Variants in ATAD3B observed in about 807,000 individuals in gnomAD.
ATAD3B encodes the protein ATPase family AAA domain-containing protein 3B.
ATAD3B carries 59 observed loss-of-function variants against 70.2 expected under a neutral mutation model. The ratio of observed to expected loss-of-function variants is 0.84; its 90% CI spans 0.68 to 1.04. The LOEUF (loss-of-function observed/expected upper bound fraction) is 1.04, where lower values mean the gene tolerates loss of function less well. Ranked by LOEUF, ATAD3B falls within the 50% of genes least tolerant of loss-of-function variation. The pLI, the probability that ATAD3B is intolerant of heterozygous loss-of-function variation, is 0.00. For synonymous variants in ATAD3B, 423 were observed against 388.6 expected (o/e 1.09, Z -1.04); for missense variants, 961 against 913.4 (o/e 1.05, Z -0.67).
intron 9 of ATAD3B, 75 bp downstream of exon 9, chr1:1,485,913 A>T: frequency 1.2e-6 from 2 of 1,609,326 alleles, no homozygotes; most frequent in Non-Finnish European, 8.5e-7. Context: ...GGCCCTTGCT[A>T]GCGCTCGTGG....
In ATAD3B at chr1:1,496,736, G is replaced by T. The variant is rs941088380; in HGVS notation, c.*919G>T. The T allele has an allele frequency of 3.1e-4, 46 of 149,344 alleles. 1 individual carries two copies. In the Middle Eastern group the frequency reaches 0.014, roughly 44 times the overall value. The allele number at this position is 149,344 out of a possible 1,614,324, so 9.3% of individuals were successfully genotyped here. A position where few individuals can be genotyped will look rare whatever the true frequency, so the allele number is the denominator to read the frequency against. ...CTGGGAGCAGAGCGTGGTACCCACT[G>T]CCTGGCTGGGGCCTACTCTGGGACT... is the stretch of plus-strand genomic sequence containing the variant. On this transcript the variant is annotated 3_prime_UTR_variant, in exon 16 of 16. Coordinates refer to ENST00000673477, the MANE Select transcript of ATAD3B (RefSeq NM_031921.6).
chr1:1,495,749 C>T lies in ATAD3B; in HGVS notation c.1879C>T (p.Pro627Ser), dbSNP rs1557435343. Residue 627 changes from proline (P) to serine (S), a missense_variant, in exon 16 of 16, where the codon CCT (proline) becomes TCT (serine). Pro to Ser is a moderately conservative substitution (Grantham distance 74). Coordinates refer to ENST00000673477, the MANE Select transcript of ATAD3B (RefSeq NM_031921.6). ...SWMGTGLCPG[P>S]LSPRMSCGGG... ...GATGGGGACTGGGCTGTGCCCAGGG[C>T]CTCTGTCCCCCAGGATGTCTTGTGG... The T allele has an allele frequency of 6.2e-7, 1 of 1,611,598 alleles. No homozygotes were observed. The highest frequency in any genetic ancestry group is 1.3e-5 in the African/African-American group (1 of 74,882).
intron 1 of ATAD3B, among the ~76,000 whole-genome samples, chr1:1,475,713 G>T (rs1288653204): frequency 6.6e-6 from 1 of 151,854 alleles, no homozygotes; most frequent in Non-Finnish European, 1.5e-5. Context: ...CCCTGTGGGT[G>T]TGAATTCACG....
the ATAD3B span, among the ~76,000 whole-genome samples, chr1:1,504,988 T>G: frequency 2.6e-5 from 4 of 152,004 alleles, no homozygotes; most frequent in African/African-American, 9.7e-5. Context: ...CTCCACAGGT[T>G]CGGTGGGTTT....
chr1:1,485,765 C>T lies in ATAD3B; in HGVS notation c.907-17C>T, dbSNP rs1210345344. ...GTGGCAGGTGACCCAATGGTGCTTC[C>T]CCTTCCCCTCCGGCAGGTCAGCCGG... On this transcript the variant is annotated splice_polypyrimidine_tract_variant and intron_variant, in intron 8 of 15. Coordinates refer to ENST00000673477, the MANE Select transcript of ATAD3B (RefSeq NM_031921.6). 1.9e-6 allele frequency: 3 copies of T among 1,612,586 alleles called. No individual in the cohort carries two copies. Among genetic ancestry groups the T allele is most frequent in the East Asian group, 2.2e-5 (1 of 44,848 alleles).
chr1:1,496,003 T>C lies in ATAD3B; in HGVS notation c.*186T>C, dbSNP rs373416279. 2 of 1,347,916 alleles carry C rather than the reference T, an allele frequency of 1.5e-6. No homozygotes were observed. The highest frequency in any genetic ancestry group is 2.9e-5 in the African/African-American group (2 of 68,328). The allele number at this position is 1,347,916 out of a possible 1,614,324, so 83.5% of individuals were successfully genotyped here. A position where few individuals can be genotyped will look rare whatever the true frequency, so the allele number is the denominator to read the frequency against. On this transcript the variant is annotated 3_prime_UTR_variant, in exon 16 of 16. Transcript: ENST00000673477. ...AGTGGGGCAGGCGGGGTCTTTGTTC[T>C]CGGCTCCCACAGCAGAGCCAGGTGA...
intron 1 of ATAD3B, among the ~76,000 whole-genome samples, chr1:1,475,432 T>A (rs187636420): frequency 2.0e-5 from 3 of 151,532 alleles, no homozygotes; most frequent in Non-Finnish European, 4.4e-5. Context: ...CCTGGCTTCC[T>A]CCGTGCCCCT....
the ATAD3B span, among the ~76,000 whole-genome samples, chr1:1,506,789 T>C: frequency 1.4e-5 from 2 of 142,882 alleles, no homozygotes; most frequent in Admixed American, 6.9e-5. Flanking sequence ...TCTTTTTTCT[T>C]TTTTTTTTTT....
chr1:1,486,456 C>T (rs1217846567), intron 10 of ATAD3B, 88 bp from the exon 11 acceptor site: 7 of 1,609,662 alleles, frequency 4.3e-6, no homozygotes, highest in Non-Finnish European at 5.9e-6. Flanking sequence ...GGACACCCGG[C>T]AGGGGCTCCA....
intron 8 of ATAD3B, 75 bp downstream of exon 8, chr1:1,485,246 G>C (rs748251104): frequency 2.5e-6 from 4 of 1,572,084 alleles, no homozygotes; most frequent in Admixed American, 1.8e-5. Flanking sequence ...CACAGCCCAC[G>C]CACACCCTCC....
At chr1:1,482,070 C>T (rs1639938018) in intron 5 of ATAD3B, 68 bp from the exon 6 acceptor site, 3 of 1,561,274 alleles carry the variant, frequency 1.9e-6, no homozygotes, top group Non-Finnish European at 2.6e-6. Context: ...GTGGGCCGGT[C>T]CACAGTGTGG....
chr1:1,486,092 C>G lies in ATAD3B; in HGVS notation c.964-18C>G. ...TGGGTGCAGAGTGTCTCCCCCAAAC[C>G]CCCGTCTTCCCCGGCAGCCCAGCCT... On this transcript the variant is annotated intron_variant, in intron 9 of 15. Transcript: ENST00000673477. The G allele has an allele frequency of 6.2e-7, 1 of 1,612,932 alleles. No homozygotes were observed. The highest frequency in any genetic ancestry group is 8.5e-7 in the Non-Finnish European group (1 of 1,179,610).
intron 4 of ATAD3B, among the ~76,000 whole-genome samples, chr1:1,480,272 C>T (rs1337547866): frequency 7.0e-6 from 1 of 142,878 alleles, no homozygotes; most frequent in Non-Finnish European, 1.5e-5. Flanking sequence ...GCCCTGCACA[C>T]CCCCACACAC....
At chr1:1,507,336 G>T in the ATAD3B span, among the ~76,000 whole-genome samples, 1 of 152,080 alleles carries the variant, frequency 6.6e-6, no homozygotes, top group Non-Finnish European at 1.5e-5. Context: ...TTATGTTTAG[G>T]GCGTGTGTTT....
intron 2 of ATAD3B, chr1:1,478,065 G>C (rs937065174): frequency 5.5e-6 from 1 of 181,850 alleles, no homozygotes; most frequent in African/African-American, 2.4e-5. Context: ...GCAATGGTTT[G>C]ATCTCGGCTC....
chr1:1,498,840 C>T (rs1482846735), downstream of ATAD3B, among the ~76,000 whole-genome samples: 1 of 151,886 alleles, frequency 6.6e-6, no homozygotes, highest in Non-Finnish European at 1.5e-5. Flanking sequence ...GTTAACTTTT[C>T]TCAGCTGCGA....
At chr1:1,498,666 C>T (rs1299748918), downstream of ATAD3B, among the ~76,000 whole-genome samples, 3 of 151,620 alleles carry the variant, frequency 2.0e-5, no homozygotes, top group Admixed American at 1.3e-4. Flanking sequence ...CCTCGGCCTC[C>T]CAAAGTGTTG....
chr1:1,506,956 T>G, the ATAD3B span, among the ~76,000 whole-genome samples: 2 of 151,906 alleles, frequency 1.3e-5, no homozygotes, highest in African/African-American at 4.8e-5. Context: ...CCCAGCTAAT[T>G]TTTTGTATTT....
the ATAD3B span, among the ~76,000 whole-genome samples, chr1:1,505,617 C>T: frequency 2.6e-5 from 4 of 152,156 alleles, no homozygotes; most frequent in Admixed American, 6.5e-5. Flanking sequence ...GGTGCCTTCC[C>T]AGGCGCTGGC....
Sources: gnomAD v4.1 joint callset for allele counts (sites outside exome capture counted in the v4.1 genomes callset) on GRCh38, gnomAD v4.1.1 for gene constraint, MANE v1.5 for transcripts, NCBI Gene and HGNC (gene_info 2026-07-23, HGNC 2026-07-21) for gene names.